ADAT2: variants seen among roughly 807,000 people sequenced by gnomAD.
The protein encoded by ADAT2 is adenosine deaminase tRNA specific 2, also known as tRNA-specific adenosine-34 deaminase catalytic subunit ADAT2.
In ADAT2, 26 loss-of-function variants were observed where a neutral mutation model predicts 25.9. The observed-to-expected ratio is 1.00, with a 90% confidence interval of 0.74 to 1.39. The LOEUF is 1.39. ADAT2 is among the 40% of genes most tolerant of loss of function. The pLI, the probability that ADAT2 is intolerant of heterozygous loss-of-function variation, is 0.00. For missense variants in ADAT2, 220 were observed against 244.8 expected, an observed-to-expected ratio of 0.90 and a Z score of 0.68; for synonymous variants, 76 against 86.8, an observed-to-expected ratio of 0.88 and a Z score of 0.69.
intron 4 of ADAT2, among the ~76,000 whole-genome samples, chr6:143,431,102 C>T (rs9496631): frequency 0.28 from 42,892 of 152,114 alleles, 6,297 homozygotes; most frequent in Admixed American, 0.32. Context: ...CACCACTGTT[C>T]TCCTTAGAAT....
In ADAT2 at chr6:143,428,304, G is replaced by A. The variant is rs1778999668; in HGVS notation, c.*159C>T. On this transcript the variant is annotated 3_prime_UTR_variant, in exon 6 of 6. Coordinates refer to ENST00000237283, the MANE Select transcript of ADAT2 (RefSeq NM_182503.3). This position sits in a 1 kb window ranked among gnomAD's most constrained non-coding sequence, Gnocchi z 5.0. ...TACAATTGTCAGACTTCTAAAAAGTGCTAATTTGTTCCCTTAACAGAGCAA... is the reference window on the plus strand; with the variant it reads ...TACAATTGTCAGACTTCTAAAAAGTACTAATTTGTTCCCTTAACAGAGCAA... 2 of 719,668 alleles carry A rather than the reference G, an allele frequency of 2.8e-6. No individual in the cohort carries two copies. The highest frequency in any genetic ancestry group is 4.0e-5 in the South Asian group (2 of 49,988). The allele number at this position is 719,668 out of a possible 1,614,324, so 44.6% of individuals were successfully genotyped here.
chr6:143,445,087 T>A, intron 1 of ADAT2: 1 of 395,162 alleles, frequency 2.5e-6, no homozygotes, highest in South Asian at 3.4e-5. Context: ...CTCTTCTGAG[T>A]GATTACTCTC....
chr6:143,446,942 C>T lies in ADAT2; in HGVS notation c.96+3621G>A, dbSNP rs1779617435. ...GCAACACTATTACTTAGTCATACTT[C>T]TTTTTTCCAAGCCTATCTTTAGAAT... On this transcript the variant is annotated intron_variant, in intron 1 of 5. Coordinates refer to ENST00000237283, the MANE Select transcript of ADAT2 (RefSeq NM_182503.3). This position sits in a 1 kb window ranked among gnomAD's most constrained non-coding sequence, Gnocchi z 5.0. 6.6e-6 allele frequency among the ~76,000 whole-genome samples: 1 copy of T among 152,164 alleles called. No homozygotes were observed. Among genetic ancestry groups the T allele is most frequent in the South Asian group, 2.1e-4 (1 of 4,816 alleles).
At chr6:143,443,981 C>A (rs1471125624) in intron 1 of ADAT2, among the ~76,000 whole-genome samples, 1 of 151,994 alleles carries the variant, frequency 6.6e-6, no homozygotes, top group Non-Finnish European at 1.5e-5. Flanking sequence ...GAATGCAGGG[C>A]CGAGTGGAAA....
In ADAT2 at chr6:143,436,685, A is replaced by G. The variant is rs1439485431; in HGVS notation, c.201+1905T>C. The G allele has an allele frequency of 1.8e-5, 5 of 280,682 alleles. No homozygotes were observed. Among genetic ancestry groups the G allele is most frequent in the Non-Finnish European group, 3.6e-5 (5 of 140,634 alleles). The allele number at this position is 280,682 out of a possible 1,614,324, so 17.4% of individuals were successfully genotyped here. On this transcript the variant is annotated intron_variant, in intron 2 of 5. Transcript: ENST00000237283. The surrounding 1 kb of genome is among the most constrained non-coding windows in gnomAD (Gnocchi z 4.1). Reference sequence around the variant, plus strand: ...GTTGAGGAGGAGGGAGAGTCTGAGGAGTGGACTGAGGAAATGGGGGCGTAG... The same window carrying G: ...GTTGAGGAGGAGGGAGAGTCTGAGGGGTGGACTGAGGAAATGGGGGCGTAG...
In ADAT2 at chr6:143,423,870, T is replaced by C. The variant is rs1455397397; in HGVS notation, c.*4593A>G. The C allele has an allele frequency of 1.3e-5, 2 of 152,182 alleles. No homozygotes were observed. The highest frequency in any genetic ancestry group is 4.8e-5 in the African/African-American group (2 of 41,438). 9.4% of individuals were successfully genotyped at this position (152,182 alleles called of 1,614,324 possible). ...GGATTCTTGCTAAAGCTGGGCTGTA[T>C]AGGCCCATCAAGAATGGGGGCCAAG... On this transcript the variant is annotated 3_prime_UTR_variant, in exon 6 of 6. Coordinates refer to ENST00000237283, the MANE Select transcript of ADAT2 (RefSeq NM_182503.3).
Position 143,442,476 on chromosome 6 carries a change from TACAC to T in ADAT2, c.97-3786_97-3783del, listed in dbSNP as rs35133336. 0.011 allele frequency among the ~76,000 whole-genome samples: 1,514 copies of T among 142,216 alleles called. 10 individuals carry two copies. Among genetic ancestry groups the T allele is most frequent in the South Asian group, 0.031 (135 of 4,306 alleles). The allele number at this position is 142,216 out of a possible 152,430, so 93.3% of individuals were successfully genotyped here. A position where few individuals can be genotyped will look rare whatever the true frequency, so the allele number is the denominator to read the frequency against. ...CATGACAAAATTGCATAGGCACGCA[TACAC>T]ACACACACACACACACACACACACA... On this transcript the variant is annotated intron_variant, in intron 1 of 5. Coordinates refer to ENST00000237283, the MANE Select transcript of ADAT2 (RefSeq NM_182503.3). The surrounding 1 kb of genome is among the most constrained non-coding windows in gnomAD (Gnocchi z 4.6).
intron 4 of ADAT2, among the ~76,000 whole-genome samples, chr6:143,430,274 G>C (rs887805366): frequency 5.9e-5 from 9 of 152,124 alleles, no homozygotes; most frequent in African/African-American, 2.2e-4. Flanking sequence ...CGTGGGATGA[G>C]AGCAGTGGTT....
rs116598991 is a variant in ADAT2 at position 143,446,871 on chromosome 6, C to T, written c.96+3692G>A. Among the ~76,000 whole-genome samples the T allele has an allele frequency of 5.5e-3, 836 of 152,226 alleles. 11 individuals carry two copies. Among genetic ancestry groups the T allele is most frequent in the African/African-American group, 0.019 (776 of 41,516 alleles). On this transcript the variant is annotated intron_variant, in intron 1 of 5. Transcript: ENST00000237283. This position sits in a 1 kb window ranked among gnomAD's most constrained non-coding sequence, Gnocchi z 5.0. ...TCTGTGGGGCTTATAACATGGCCCA[C>T]ATGAAAACACTGTGCATAGCATAGT...
rs1313685800 is a variant in ADAT2, at chr6:143,428,582, G to A, written c.532+30C>T. On this transcript the variant is annotated intron_variant, in intron 5 of 5. Transcript: ENST00000237283. This position sits in a 1 kb window ranked among gnomAD's most constrained non-coding sequence, Gnocchi z 5.0. ...AGATTCTCTTTGTATGGATTTAAGG[G>A]AAGGACATTATCCACAACAGAAAAC... 5.6e-6 allele frequency: 9 copies of A among 1,612,876 alleles called. No individual in the cohort carries two copies. The African/African-American group carries it at 1.2e-4, about 22-fold the overall frequency.
rs1261900207 is a variant in ADAT2 at position 143,423,740 on chromosome 6, C to T, written c.*4723G>A. ...TAGAGTTCTTGCAAAATGAACTTAACAGGCTTCTCGTTGAAGGGAGGCCAA... is the reference window on the plus strand; with the variant it reads ...TAGAGTTCTTGCAAAATGAACTTAATAGGCTTCTCGTTGAAGGGAGGCCAA... On this transcript the variant is annotated 3_prime_UTR_variant, in exon 6 of 6. Coordinates refer to ENST00000237283, the MANE Select transcript of ADAT2 (RefSeq NM_182503.3). 1 of 152,180 alleles carries T rather than the reference C, an allele frequency of 6.6e-6. No individual in the cohort carries two copies. Among genetic ancestry groups the T allele is most frequent in the African/African-American group, 2.4e-5 (1 of 41,436 alleles). 9.4% of individuals were successfully genotyped at this position (152,180 alleles called of 1,614,324 possible).
At position 143,437,589 on chromosome 6, in the gene ADAT2, G is replaced by A. The variant is rs144261284; in HGVS notation, c.201+1001C>T. 2.2e-3 allele frequency among the ~76,000 whole-genome samples: 338 copies of A among 152,094 alleles called. 1 individual carries two copies. The highest frequency in any genetic ancestry group is 7.6e-3 in the African/African-American group (316 of 41,498). On this transcript the variant is annotated intron_variant, in intron 2 of 5. Transcript: ENST00000237283. This position sits in a 1 kb window ranked among gnomAD's most constrained non-coding sequence, Gnocchi z 4.1. ...ATTTTTTTGGTTGTACAGAAGTTAC[G>A]TATTAAAATATAATCCTGTTCTATT... is the stretch of plus-strand genomic sequence containing the variant.
In ADAT2 at chr6:143,446,047, C is replaced by T. The variant is rs560114167; in HGVS notation, c.96+4516G>A. ...AGTAAGATGTGTTCAAGGTGGAGAACTTAGCGATTAAAAAAAAAAAACCTC... is the reference window on the plus strand; with the variant it reads ...AGTAAGATGTGTTCAAGGTGGAGAATTTAGCGATTAAAAAAAAAAAACCTC... On this transcript the variant is annotated intron_variant, in intron 1 of 5. Transcript: ENST00000237283. The surrounding 1 kb of genome is among the most constrained non-coding windows in gnomAD (Gnocchi z 5.0). Among the ~76,000 whole-genome samples the T allele has an allele frequency of 4.1e-5, 6 of 147,754 alleles. No homozygotes were observed. The South Asian group carries it at 1.1e-3, about 26-fold the overall frequency.
chr6:143,437,249 T>C lies in ADAT2; in HGVS notation c.201+1341A>G, dbSNP rs892145982. Reference sequence around the variant, plus strand: ...AAATTTCCTATAATCAATGTAAGCTTTCCCAGTGTTTGAACGTTTCCCATT... The same window carrying C: ...AAATTTCCTATAATCAATGTAAGCTCTCCCAGTGTTTGAACGTTTCCCATT... On this transcript the variant is annotated intron_variant, in intron 2 of 5. Coordinates refer to ENST00000237283, the MANE Select transcript of ADAT2 (RefSeq NM_182503.3). This position sits in a 1 kb window ranked among gnomAD's most constrained non-coding sequence, Gnocchi z 4.1. 3.9e-5 allele frequency among the ~76,000 whole-genome samples: 6 copies of C among 152,218 alleles called. No homozygotes were observed. In the South Asian group the frequency reaches 1.2e-3, roughly 32 times the overall value.
In ADAT2 at chr6:143,424,522, C is replaced by T. The variant is rs915782808; in HGVS notation, c.*3941G>A. The T allele has an allele frequency of 6.6e-6, 1 of 152,200 alleles. No individual in the cohort carries two copies. The highest frequency in any genetic ancestry group is 1.5e-5 in the Non-Finnish European group (1 of 68,038). The allele number at this position is 152,200 out of a possible 1,614,324, so 9.4% of individuals were successfully genotyped here. On this transcript the variant is annotated 3_prime_UTR_variant, in exon 6 of 6. Coordinates refer to ENST00000237283, the MANE Select transcript of ADAT2 (RefSeq NM_182503.3). The surrounding 1 kb of genome is among the most constrained non-coding windows in gnomAD (Gnocchi z 4.8). ...CTCATATTTTATGACCAAATGACAACCTACCTAGAGTGTTTATCCCATTGG... is the reference window on the plus strand; with the variant it reads ...CTCATATTTTATGACCAAATGACAATCTACCTAGAGTGTTTATCCCATTGG...
rs533965376 is a variant in ADAT2, at chr6:143,438,939, T to C, written c.97-245A>G. On this transcript the variant is annotated intron_variant, in intron 1 of 5. Transcript: ENST00000237283. ...GTCCAGAGCCCCTGATGTCTTCTCATTGGAAATAGACGTGATCAAAGGAGA... is the reference window on the plus strand; with the variant it reads ...GTCCAGAGCCCCTGATGTCTTCTCACTGGAAATAGACGTGATCAAAGGAGA... Among the ~76,000 whole-genome samples the C allele has an allele frequency of 6.6e-5, 10 of 152,274 alleles. No individual in the cohort carries two copies. The South Asian group carries it at 1.9e-3, about 28-fold the overall frequency.
chr6:143,427,937 A>T lies in ADAT2; in HGVS notation c.*526T>A, dbSNP rs1778987964. On this transcript the variant is annotated 3_prime_UTR_variant, in exon 6 of 6. Coordinates refer to ENST00000237283, the MANE Select transcript of ADAT2 (RefSeq NM_182503.3). Reference sequence around the variant, plus strand: ...GCTTTATAAAAGCAAAGTCTTTTCTAAGGACCATATAATTATGGTCTCTAT... The same window carrying T: ...GCTTTATAAAAGCAAAGTCTTTTCTTAGGACCATATAATTATGGTCTCTAT... The T allele has an allele frequency of 6.6e-6, 1 of 152,468 alleles. No homozygotes were observed. Among genetic ancestry groups the T allele is most frequent in the African/African-American group, 2.4e-5 (1 of 41,456 alleles). The allele number at this position is 152,468 out of a possible 1,614,324, so 9.4% of individuals were successfully genotyped here.
At chr6:143,430,247 A>C (rs1240848936) in intron 4 of ADAT2, among the ~76,000 whole-genome samples, 1 of 151,976 alleles carries the variant, frequency 6.6e-6, no homozygotes, top group African/African-American at 2.4e-5. Flanking sequence ...TCGCACACTC[A>C]GAGCCCTCTC....
chr6:143,448,320 G>A (rs1779656151), intron 1 of ADAT2, among the ~76,000 whole-genome samples: 1 of 152,086 alleles, frequency 6.6e-6, no homozygotes, highest in Admixed American at 6.5e-5. Context: ...GTTAATGGGT[G>A]CAGCACACCA....
Sources: gnomAD v4.1 joint callset for allele counts (sites outside exome capture counted in the v4.1 genomes callset) on GRCh38, gnomAD v4.1.1 for gene constraint, Gnocchi (gnomAD v3.1) non-coding constraint, MANE v1.5 for transcripts, NCBI Gene and HGNC (gene_info 2026-07-23, HGNC 2026-07-21) for gene names.